Variants in PCK2 observed in about 807,000 individuals in gnomAD.
PCK2 encodes phosphoenolpyruvate carboxykinase [GTP], mitochondrial.
In PCK2, 56 loss-of-function variants were observed where a neutral mutation model predicts 65.9. That is an observed-to-expected ratio of 0.85 (90% CI 0.69 to 1.06). The LOEUF is 1.06. Ranked by LOEUF, PCK2 falls within the 50% of genes least tolerant of loss-of-function variation. The pLI is 0.00. For synonymous variants in PCK2, 305 were observed against 319.6 expected, an observed-to-expected ratio of 0.95 and a Z score of 0.49; for missense variants, 843 against 863.1, an observed-to-expected ratio of 0.98 and a Z score of 0.29.
Position 24,098,561 on chromosome 14 carries a change from T to C in PCK2, c.547T>C (p.Tyr183His). 1 of 1,614,154 alleles carries C rather than the reference T, an allele frequency of 6.2e-7. No homozygotes were observed. Among genetic ancestry groups the C allele is most frequent in the Non-Finnish European group, 8.5e-7 (1 of 1,180,012 alleles). Residue 183 changes from tyrosine to histidine, a missense_variant, in exon 4 of 10, where the codon TAT becomes CAT. Tyr to His is a moderately conservative substitution (Grantham distance 83). Coordinates refer to ENST00000216780, the MANE Select transcript of PCK2 (RefSeq NM_004563.4). ...CGGGGTGCAGCTCACTGACTCAGCC[T>C]ATGTGGTGGCAAGCATGCGTATTAT... Reference protein sequence around the residue: ...RIGVQLTDSAYVVASMRIMTR... With the variant: ...RIGVQLTDSAHVVASMRIMTR...
At position 24,094,627 on chromosome 14, in the gene PCK2, C is replaced by G; in HGVS notation, c.29+193C>G. The stretch of plus-strand genomic sequence containing the variant: ...GGGAGGGCAGCCGGCCGGTGCTCCT[C>G]GTTTCCGCCTGCACCTCCCCTTCTC... On this transcript the variant is annotated intron_variant, in intron 1 of 9. Transcript: ENST00000216780. The surrounding 1 kb of genome is among the most constrained non-coding windows in gnomAD (Gnocchi z 4.1). 1.4e-6 allele frequency: 2 copies of G among 1,473,842 alleles called. No homozygotes were observed. The highest frequency in any genetic ancestry group is 1.8e-6 in the Non-Finnish European group (2 of 1,113,368). 91.3% of individuals were successfully genotyped at this position (1,473,842 alleles called of 1,614,324 possible).
chr14:24,098,125 G>A, intron 2 of PCK2, 78 bp from the exon 3 acceptor site: 1 of 1,250,464 alleles, frequency 8.0e-7, no homozygotes. Context: ...TGGAGTCAAA[G>A]TTGGACTTGA....
rs1045086504 is a variant in PCK2, at chr14:24,096,895, T to C, written c.33T>C (p.Leu11=). 3 of 1,612,532 alleles carry C rather than the reference T, an allele frequency of 1.9e-6. No individual in the cohort carries two copies. The African/African-American group carries it at 4.0e-5, about 22-fold the overall frequency. The change falls in exon 2 of 10, where the codon CTT becomes CTC. Residue 11 remains leucine (L), a synonymous_variant. Coordinates refer to ENST00000216780, the MANE Select transcript of PCK2 (RefSeq NM_004563.4). MAALYRPGLR[L]NWHGLSPLGW... ...ATTGCCTCTGTTTCTCCTATAGGCT[T>C]AACTGGCATGGGCTGAGCCCCTTGG...
intron 1 of PCK2, chr14:24,095,174 C>A (rs879334549): frequency 8.8e-6 from 4 of 456,116 alleles, no homozygotes; most frequent in Non-Finnish European, 1.8e-5. Flanking sequence ...TGACCCACAT[C>A]TGTCGCACAG....
Sources: gnomAD v4.1 joint callset for allele counts on GRCh38, gnomAD v4.1.1 for gene constraint, Gnocchi (gnomAD v3.1) non-coding constraint, MANE v1.5 for transcripts, NCBI Gene and HGNC (gene_info 2026-07-23, HGNC 2026-07-21) for gene names.